Variants in MIS18A observed in about 807,000 individuals in gnomAD.
The protein encoded by MIS18A is protein Mis18-alpha.
In MIS18A, 14 loss-of-function variants were observed where a neutral mutation model predicts 25.0. The observed-to-expected ratio is 0.56, with a 90% CI of 0.37 to 0.88. The LOEUF is 0.88. Ranked by LOEUF, MIS18A falls within the 40% of genes least tolerant of loss-of-function variation. The pLI is 0.00. For synonymous variants in MIS18A, 134 were observed against 118.6 expected (o/e 1.13, Z -0.84); for missense variants, 292 against 290.8 (o/e 1.00, Z -0.03).
chr21:32,271,418 G>A (rs1299004368), intron 2 of MIS18A, among the ~76,000 whole-genome samples: 5 of 152,166 alleles, frequency 3.3e-5, no homozygotes, highest in African/African-American at 1.2e-4. Context: ...AGCTACCCAA[G>A]ACTCACAGAT....
At chr21:32,201,079 C>T in the MIS18A span, among the ~76,000 whole-genome samples, 1 of 152,024 alleles carries the variant, frequency 6.6e-6, no homozygotes, top group Non-Finnish European at 1.5e-5. Flanking sequence ...GGTGAGGCCT[C>T]AGGAAGTTTA....
the MIS18A span, among the ~76,000 whole-genome samples, chr21:32,236,122 C>T: frequency 5.3e-5 from 8 of 152,060 alleles, no homozygotes; most frequent in South Asian, 1.2e-3. Context: ...CGCCTGTAAT[C>T]CCAGCACTTT....
the MIS18A span, among the ~76,000 whole-genome samples, chr21:32,243,883 G>T: frequency 2.0e-5 from 3 of 151,964 alleles, no homozygotes; most frequent in Non-Finnish European, 4.4e-5. Context: ...CCAGTGAGCC[G>T]CAATGAACTG....
At chr21:32,249,675 G>A in the MIS18A span, among the ~76,000 whole-genome samples, 3 of 152,226 alleles carry the variant, frequency 2.0e-5, no homozygotes, top group Middle Eastern at 3.4e-3. Context: ...ATCTGCTTCC[G>A]GTCAGAACCT....
downstream of MIS18A, among the ~76,000 whole-genome samples, chr21:32,267,119 A>C (rs1348470976): frequency 6.6e-6 from 1 of 152,232 alleles, no homozygotes; most frequent in Non-Finnish European, 1.5e-5. Context: ...ACCATGCAGC[A>C]CAGACAGGAT....
the MIS18A span, among the ~76,000 whole-genome samples, chr21:32,193,544 G>C: frequency 6.6e-6 from 1 of 151,924 alleles, no homozygotes; most frequent in South Asian, 2.1e-4. Context: ...CGATCTAATC[G>C]AGCTAAAACC....
At chr21:32,215,583 A>G in the MIS18A span, among the ~76,000 whole-genome samples, 2 of 152,104 alleles carry the variant, frequency 1.3e-5, no homozygotes, top group African/African-American at 4.8e-5. Context: ...GCTGGTATCC[A>G]TCTCAGAGGG....
chr21:32,174,766 C>T, the MIS18A span, among the ~76,000 whole-genome samples: 3 of 96,318 alleles, frequency 3.1e-5, no homozygotes, highest in Admixed American at 1.1e-4. Flanking sequence ...GATTAGCCAA[C>T]TTCACAAGTG....
the MIS18A span, among the ~76,000 whole-genome samples, chr21:32,168,964 C>G: frequency 6.6e-6 from 1 of 152,228 alleles, no homozygotes; most frequent in Non-Finnish European, 1.5e-5. Context: ...ATGGGGCCCT[C>G]CAAAATTCCA....
the MIS18A span, among the ~76,000 whole-genome samples, chr21:32,181,651 C>A: frequency 6.6e-6 from 1 of 152,106 alleles, no homozygotes; most frequent in East Asian, 1.9e-4. Context: ...ACACCAGGTC[C>A]TGGAGCCAAA....
the MIS18A span, among the ~76,000 whole-genome samples, chr21:32,258,024 AG>A: frequency 6.6e-6 from 1 of 152,184 alleles, no homozygotes; most frequent in African/African-American, 2.4e-5. Flanking sequence ...ATACAGATAG[AG>A]GGTTCCTGCC....
At chr21:32,265,359 C>T (rs1013959317), downstream of MIS18A, among the ~76,000 whole-genome samples, 17 of 152,286 alleles carry the variant, frequency 1.1e-4, no homozygotes, top group African/African-American at 1.4e-4. Flanking sequence ...ACTGGGGCTG[C>T]GTGTGGCGCT....
chr21:32,229,221 A>C, the MIS18A span, among the ~76,000 whole-genome samples: 15,690 of 152,246 alleles, frequency 0.1, 921 homozygotes, highest in South Asian at 0.18. Context: ...GGAAATATTC[A>C]CCTAAGGGTA....
chr21:32,207,108 T>G, the MIS18A span, among the ~76,000 whole-genome samples: 1 of 152,204 alleles, frequency 6.6e-6, no homozygotes, highest in African/African-American at 2.4e-5. Flanking sequence ...AATGACACAT[T>G]TTTTTATGAC....
the MIS18A span, among the ~76,000 whole-genome samples, chr21:32,165,144 A>C: frequency 6.6e-6 from 1 of 152,004 alleles, no homozygotes; most frequent in South Asian, 2.1e-4. Flanking sequence ...GACCAGCCTG[A>C]CCAACATGGA....
At chr21:32,274,025 A>G (rs1164226808) in intron 2 of MIS18A, among the ~76,000 whole-genome samples, 2 of 151,870 alleles carry the variant, frequency 1.3e-5, no homozygotes, top group African/African-American at 4.8e-5. Context: ...AGATTGCTGG[A>G]GCTCCTGTGT....
At chr21:32,163,873 G>A in the MIS18A span, among the ~76,000 whole-genome samples, 13 of 152,250 alleles carry the variant, frequency 8.5e-5, no homozygotes, top group East Asian at 1.9e-3. Context: ...CTGAGGTTAG[G>A]TAATAAGGAA....
At chr21:32,203,593 G>A in the MIS18A span, among the ~76,000 whole-genome samples, 134,733 of 134,734 alleles carry the variant, frequency 1, 67,366 homozygotes, top group Middle Eastern at 1. Flanking sequence ...AATCAAGTGG[G>A]ATAAAACATT....
the MIS18A span, among the ~76,000 whole-genome samples, chr21:32,175,766 C>T: frequency 6.6e-6 from 1 of 151,712 alleles, no homozygotes; most frequent in African/African-American, 2.4e-5. Context: ...GCCAAGATCA[C>T]ACCATTGCAC....
Sources: allele counts gnomAD v4.1 joint callset (sites outside exome capture counted in the v4.1 genomes callset), GRCh38; gene constraint gnomAD v4.1.1; transcripts MANE v1.5; gene names NCBI Gene and HGNC (gene_info 2026-07-23, HGNC 2026-07-21).